PLEKHA7: variants seen among roughly 807,000 people sequenced by gnomAD.
PLEKHA7 encodes the protein pleckstrin homology domain-containing family A member 7.
PLEKHA7 carries 104 observed loss-of-function variants against 170.0 expected under a neutral mutation model. The ratio of observed to expected loss-of-function variants is 0.61; its 90% confidence interval spans 0.52 to 0.72. The LOEUF is 0.72. Among genes scored for constraint, PLEKHA7 ranks in the 30% least tolerant of loss-of-function variants. The pLI, the probability that PLEKHA7 is intolerant of heterozygous loss-of-function variation, is 0.00. For missense variants in PLEKHA7, 1,615 were observed against 1,671.7 expected (o/e 0.97, Z 0.59); for synonymous variants, 648 against 660.8 (o/e 0.98, Z 0.30).
At chr11:16,930,731 G>T in intron 3 of PLEKHA7, among the ~76,000 whole-genome samples, 1 of 152,224 alleles carries the variant, frequency 6.6e-6, no homozygotes, top group East Asian at 1.9e-4. Context: ...AGAGTGAACA[G>T]AGGGGAGGAA....
At chr11:16,793,009 G>C (rs1449191333) in intron 19 of PLEKHA7, among the ~76,000 whole-genome samples, 1 of 152,168 alleles carries the variant, frequency 6.6e-6, no homozygotes, top group East Asian at 1.9e-4. Context: ...ATTCCTAGGA[G>C]AGAGGACCTC....
At chr11:16,805,803 A>AC (rs1203961898) in intron 13 of PLEKHA7, among the ~76,000 whole-genome samples, 1 of 143,666 alleles carries the variant, frequency 7.0e-6, no homozygotes, top group African/African-American at 2.9e-5. Flanking sequence ...AAAAAAAAAA[A>AC]AAAACAAAAA....
chr11:16,794,817 G>A (rs1298116610), intron 18 of PLEKHA7, 93 bp downstream of exon 18: 3 of 1,499,344 alleles, frequency 2.0e-6, no homozygotes, highest in African/African-American at 1.4e-5. Flanking sequence ...ACCTCCCCAA[G>A]GGCCATCCCA....
Position 16,850,224 on chromosome 11 carries a change from A to G in PLEKHA7, c.696+967T>C, listed in dbSNP as rs189591094. ...ATCTCTGTTTTATGACCTACTGTCT[A>G]GTGTTCATCTTGTGCCTCCAACATG... On this transcript the variant is annotated intron_variant, in intron 8 of 26. Coordinates refer to ENST00000531066, the MANE Select transcript of PLEKHA7 (RefSeq NM_001329630.2). Among the ~76,000 whole-genome samples the G allele has an allele frequency of 3.9e-5, 6 of 152,292 alleles. No homozygotes were observed. In the South Asian group the frequency reaches 8.3e-4, roughly 21 times the overall value.
chr11:16,867,519 C>T (rs1854489379), intron 4 of PLEKHA7, among the ~76,000 whole-genome samples: 1 of 152,174 alleles, frequency 6.6e-6, no homozygotes, highest in African/African-American at 2.4e-5. Context: ...AGACATAACA[C>T]ACTACATAAC....
intron 9 of PLEKHA7, among the ~76,000 whole-genome samples, chr11:16,831,393 G>A (rs1336628343): frequency 6.6e-6 from 1 of 152,108 alleles, no homozygotes; most frequent in Non-Finnish European, 1.5e-5. Flanking sequence ...GCTCGATTTA[G>A]CACAACGATG....
intron 3 of PLEKHA7, among the ~76,000 whole-genome samples, chr11:16,966,134 G>A (rs1862357477): frequency 6.6e-6 from 1 of 152,174 alleles, no homozygotes; most frequent in Non-Finnish European, 1.5e-5. Flanking sequence ...AGTGAGCTGA[G>A]ATCGCACCAT....
At chr11:16,871,273 G>A in intron 3 of PLEKHA7, 91 bp from the exon 4 acceptor site, 1 of 1,000,506 alleles carries the variant, frequency 1.0e-6, no homozygotes, top group Non-Finnish European at 1.6e-6. Flanking sequence ...GGTGACCCTG[G>A]TCATCAAAGA....
At chr11:16,824,812 T>C (rs919879336) in intron 10 of PLEKHA7, among the ~76,000 whole-genome samples, 21 of 152,222 alleles carry the variant, frequency 1.4e-4, no homozygotes, top group Non-Finnish European at 2.9e-4. Context: ...TATGAGGACC[T>C]ACATTACATT....
In PLEKHA7 at chr11:16,808,591, A is replaced by G. The variant is rs145460196; in HGVS notation, c.2007+4522T>C. Among the ~76,000 whole-genome samples the G allele has an allele frequency of 3.4e-3, 520 of 152,330 alleles. 2 individuals carry two copies. The highest frequency in any genetic ancestry group is 0.014 in the Middle Eastern group (4 of 294). On this transcript the variant is annotated intron_variant, in intron 13 of 26. Coordinates refer to ENST00000531066, the MANE Select transcript of PLEKHA7 (RefSeq NM_001329630.2). Reference sequence around the variant, plus strand: ...AACAGTCAGGAAGAGTCCAGATTCCAGTAACCCCGAAGCCACTGACGGCAC... The same window carrying G: ...AACAGTCAGGAAGAGTCCAGATTCCGGTAACCCCGAAGCCACTGACGGCAC...
At chr11:16,832,896 C>T (rs1047384896) in intron 9 of PLEKHA7, among the ~76,000 whole-genome samples, 1 of 152,152 alleles carries the variant, frequency 6.6e-6, no homozygotes, top group Non-Finnish European at 1.5e-5. Context: ...GTCCTGAGCA[C>T]TGATCTGCAG....
chr11:16,981,229 G>A (rs1863408771), intron 3 of PLEKHA7, among the ~76,000 whole-genome samples: 1 of 152,200 alleles, frequency 6.6e-6, no homozygotes, highest in South Asian at 2.1e-4. Flanking sequence ...CTTATCAGGT[G>A]TTTACTACAT....
chr11:16,783,689 C>A lies in PLEKHA7; in HGVS notation c.3650+11G>T, dbSNP rs188861401. The A allele has an allele frequency of 1.4e-6, 2 of 1,426,500 alleles. No homozygotes were observed. The highest frequency in any genetic ancestry group is 9.2e-7 in the Non-Finnish European group (1 of 1,089,952). 88.4% of individuals were successfully genotyped at this position (1,426,500 alleles called of 1,614,324 possible). A position where few individuals can be genotyped will look rare whatever the true frequency, so the allele number is the denominator to read the frequency against. On this transcript the variant is annotated intron_variant, in intron 25 of 26. Transcript: ENST00000531066. Reference sequence around the variant, plus strand: ...GGTGACCTGCCAACACTTGAGCAAGCGAGGGCTGACCTTGACCGGGCGAGG... The same window carrying A: ...GGTGACCTGCCAACACTTGAGCAAGAGAGGGCTGACCTTGACCGGGCGAGG...
chr11:16,834,110 A>C (rs1851331629), intron 9 of PLEKHA7, among the ~76,000 whole-genome samples: 1 of 152,156 alleles, frequency 6.6e-6, no homozygotes, highest in African/African-American at 2.4e-5. Context: ...TCCCGGGTTC[A>C]AGCGGTTCTC....
chr11:16,984,445 G>C (rs774039906), intron 3 of PLEKHA7, among the ~76,000 whole-genome samples: 1 of 152,122 alleles, frequency 6.6e-6, no homozygotes, highest in Non-Finnish European at 1.5e-5. Context: ...GAAAGCTCAA[G>C]TCAAGGGCCT....
chr11:16,989,584 C>G (rs1459909582), intron 3 of PLEKHA7, among the ~76,000 whole-genome samples: 3 of 152,216 alleles, frequency 2.0e-5, no homozygotes, highest in Non-Finnish European at 2.9e-5. Context: ...TCATGTCACA[C>G]AGTCCCCACT....
chr11:16,960,382 T>C (rs1216605138), intron 3 of PLEKHA7, among the ~76,000 whole-genome samples: 2 of 152,194 alleles, frequency 1.3e-5, no homozygotes, highest in African/African-American at 2.4e-5. Context: ...ATAAGCCATC[T>C]AGATTCCAAA....
At chr11:16,861,587 T>A (rs1435263038) in intron 4 of PLEKHA7, among the ~76,000 whole-genome samples, 1 of 152,182 alleles carries the variant, frequency 6.6e-6, no homozygotes, top group South Asian at 2.1e-4. Context: ...AGGCAGAGGC[T>A]GTAGTGAGCC....
chr11:17,014,115 C>T lies in PLEKHA7; in HGVS notation c.163+10G>A, dbSNP rs1362626442. 5 of 1,598,014 alleles carry T rather than the reference C, an allele frequency of 3.1e-6. No individual in the cohort carries two copies. The South Asian group carries it at 4.5e-5, about 14-fold the overall frequency. ...TGCGCGCGCCCCCCACCCGCCGGCC[C>T]GGCGCCCACCTGAGCGGATCATGTG... On this transcript the variant is annotated intron_variant, in intron 2 of 26. Coordinates refer to ENST00000531066, the MANE Select transcript of PLEKHA7 (RefSeq NM_001329630.2).
Sources: allele counts gnomAD v4.1 joint callset (sites outside exome capture counted in the v4.1 genomes callset), GRCh38; gene constraint gnomAD v4.1.1; transcripts MANE v1.5; gene names NCBI Gene and HGNC (gene_info 2026-07-23, HGNC 2026-07-21).